The following ZNF705A variants were observed in gnomAD, a reference collection of about 807,000 sequenced individuals.
ZNF705A encodes zinc finger protein 705A.
A neutral mutation model predicts 16.6 loss-of-function variants in ZNF705A; 8 were observed. That is an observed-to-expected ratio of 0.48 (90% CI 0.28 to 0.87). The LOEUF (loss-of-function observed/expected upper bound fraction) is 0.87. Among genes scored for constraint, ZNF705A ranks in the 40% least tolerant of loss-of-function variants. ZNF705A has a pLI of 0.10. For missense variants in ZNF705A, 233 were observed against 359.9 expected (o/e 0.65, Z 2.85); for synonymous variants, 73 against 117.3 (o/e 0.62, Z 2.44).
chr12:8,173,730 G>A (rs1337725918), intron 1 of ZNF705A, among the ~76,000 whole-genome samples: 2 of 152,182 alleles, frequency 1.3e-5, no homozygotes, highest in African/African-American at 2.4e-5. Flanking sequence ...GAAGAATGCT[G>A]GAGTCTGGTT....
chr12:8,177,025 T>G, exon 5 of ZNF705A: 1 of 1,611,000 alleles, frequency 6.2e-7, no homozygotes, highest in Non-Finnish European at 8.5e-7. Context: ...TGGAGGATCC[T>G]TTTGAATGTA....
intron 4 of ZNF705A, among the ~76,000 whole-genome samples, chr12:8,176,365 G>A (rs1239130139): frequency 9.9e-5 from 15 of 152,188 alleles, no homozygotes; most frequent in Non-Finnish European, 1.5e-5. Context: ...ACAGGTGTAT[G>A]CCTTTCTCCA....
intron 1 of ZNF705A, among the ~76,000 whole-genome samples, chr12:8,163,186 T>C (rs946233253): frequency 6.6e-5 from 10 of 152,314 alleles, no homozygotes; most frequent in African/African-American, 1.9e-4. Context: ...AGGTGCTTCC[T>C]TGATAGCACC....
chr12:8,168,087 T>C (rs1948414765), upstream of ZNF705A, among the ~76,000 whole-genome samples: 1 of 152,216 alleles, frequency 6.6e-6, no homozygotes, highest in South Asian at 2.1e-4. Context: ...TCTGAAGCTT[T>C]CTTTCCTTTT....
chr12:8,163,116 A>G lies in ZNF705A; in HGVS notation c.-72+6024A>G, dbSNP rs138416470. Reference sequence around the variant, plus strand: ...GGCAGGAGGTCTGGATTTGGATTCTAGATCTCTAGATCTATTACTAACTGG... The same window carrying G: ...GGCAGGAGGTCTGGATTTGGATTCTGGATCTCTAGATCTATTACTAACTGG... On this transcript the variant is annotated intron_variant, in intron 1 of 5. Coordinates refer to the ZNF705A transcript ENST00000396570. Among the ~76,000 whole-genome samples the G allele has an allele frequency of 7.7e-3, 1,176 of 152,266 alleles. 14 individuals are homozygous for G. Among genetic ancestry groups the G allele is most frequent in the African/African-American group, 0.027 (1,110 of 41,552 alleles).
chr12:8,169,549 C>A (rs1291787720), upstream of ZNF705A, among the ~76,000 whole-genome samples: 1 of 152,176 alleles, frequency 6.6e-6, no homozygotes, highest in Non-Finnish European at 1.5e-5. Context: ...TGCTGTTTCC[C>A]TAGCACCTCA....
chr12:8,159,941 AT>A (rs1247996799), intron 1 of ZNF705A, among the ~76,000 whole-genome samples: 1 of 152,036 alleles, frequency 6.6e-6, no homozygotes, highest in African/African-American at 2.4e-5. Context: ...ATTTTCTAGA[AT>A]TTTTATGGTT....
At chr12:8,160,564 ATTTTTTTT>A (rs71042338) in intron 1 of ZNF705A, among the ~76,000 whole-genome samples, 37 of 135,946 alleles carry the variant, frequency 2.7e-4, no homozygotes, top group African/African-American at 9.6e-4. Context: ...ATTTCTAAGT[ATTTTTTTT>A]TTTTTTTTTG....
chr12:8,157,915 G>A (rs923721308), intron 1 of ZNF705A, among the ~76,000 whole-genome samples: 6 of 152,110 alleles, frequency 3.9e-5, no homozygotes, highest in Non-Finnish European at 4.4e-5. Context: ...GTTACAGGCA[G>A]GTTTTTAAAG....
chr12:8,161,662 A>T (rs369871179), intron 1 of ZNF705A, among the ~76,000 whole-genome samples: 44 of 152,284 alleles, frequency 2.9e-4, no homozygotes, highest in African/African-American at 1.1e-3. Context: ...GAAATGCAAC[A>T]GGTGGAAAGG....
At chr12:8,170,540 TA>T (rs34079089), upstream of ZNF705A, among the ~76,000 whole-genome samples, 1 of 151,494 alleles carries the variant, frequency 6.6e-6, no homozygotes, top group Non-Finnish European at 1.5e-5. Flanking sequence ...TATGACCAGG[TA>T]ATGACTTTTC....
At chr12:8,167,469 A>AT (rs201178854) in intron 1 of ZNF705A, among the ~76,000 whole-genome samples, 1 of 151,928 alleles carries the variant, frequency 6.6e-6, no homozygotes, top group Admixed American at 6.6e-5. Context: ...AGGTTTATTA[A>AT]TTTTTTTTCA....
chr12:8,160,564 ATT>A (rs71042338), intron 1 of ZNF705A, among the ~76,000 whole-genome samples: 66,159 of 135,712 alleles, frequency 0.49, 15,208 homozygotes, highest in South Asian at 0.58. Flanking sequence ...ATTTCTAAGT[ATT>A]TTTTTTTTTT....
At chr12:8,174,719 C>CT (rs1327913283) in intron 2 of ZNF705A, among the ~76,000 whole-genome samples, 14 of 152,182 alleles carry the variant, frequency 9.2e-5, no homozygotes, top group Admixed American at 3.9e-4. Context: ...ATACTCATAA[C>CT]AGACCTGGGA....
chr12:8,175,536 A>G, intron 3 of ZNF705A, among the ~76,000 whole-genome samples: 1 of 152,094 alleles, frequency 6.6e-6, no homozygotes, highest in African/African-American at 2.4e-5. Context: ...TTTCACTTTT[A>G]GGAAAAGGAT....
intron 2 of ZNF705A, among the ~76,000 whole-genome samples, chr12:8,174,980 C>T (rs1339871941): frequency 6.6e-6 from 1 of 152,134 alleles, no homozygotes; most frequent in Non-Finnish European, 1.5e-5. Context: ...GGAACTTAGG[C>T]ATGGACTCAG....
chr12:8,177,901 G>A (rs1053175865), exon 5 of ZNF705A: 2 of 432,880 alleles, frequency 4.6e-6, no homozygotes, highest in African/African-American at 4.0e-5. Context: ...TCATATGGAA[G>A]AGAAATTGTA....
exon 5 of ZNF705A, chr12:8,179,183 A>C (rs1487472299): frequency 6.6e-6 from 1 of 152,136 alleles, no homozygotes; most frequent in Non-Finnish European, 1.5e-5. Flanking sequence ...TTGTCCCTGG[A>C]GCCTCTCTAA....
At chr12:8,157,241 C>T in intron 1 of ZNF705A, 149 bp downstream of exon 1, 1 of 392,074 alleles carries the variant, frequency 2.6e-6, no homozygotes, top group East Asian at 3.6e-5. Flanking sequence ...TGAAATGACA[C>T]TGTAGTCTGA....
Sources: allele counts gnomAD v4.1 joint callset (sites outside exome capture counted in the v4.1 genomes callset), GRCh38; gene constraint gnomAD v4.1.1; transcripts MANE v1.5; gene names NCBI Gene and HGNC (gene_info 2026-07-23, HGNC 2026-07-21).